The following CFAP73 variants were observed in gnomAD, a reference collection of about 807,000 sequenced individuals.
CFAP73 encodes cilia- and flagella-associated protein 73.
In CFAP73, 33 loss-of-function variants were observed where a neutral mutation model predicts 42.9. The ratio of observed to expected loss-of-function variants is 0.77; its 90% CI spans 0.58 to 1.03. CFAP73 has a LOEUF of 1.03. Among genes scored for constraint, CFAP73 ranks in the 50% least tolerant of loss-of-function variants. The pLI is 0.00. For synonymous variants in CFAP73, 162 were observed against 186.8 expected, an observed-to-expected ratio of 0.87 and a Z score of 1.08; for missense variants, 392 against 411.9, an observed-to-expected ratio of 0.95 and a Z score of 0.42.
rs371295056 is a variant in CFAP73, at chr12:113,149,926, T to C, written c.56+13T>C. On this transcript the variant is annotated intron_variant, in intron 1 of 7. Coordinates refer to ENST00000335621, the MANE Select transcript of CFAP73 (RefSeq NM_001144872.3). ...AGAAACTGTCTACGTGAGTGGGACG[T>C]AGAGGGAGGGAGGGCTAGAAGGAGG... 11 of 1,551,110 alleles carry C rather than the reference T, an allele frequency of 7.1e-6. No individual in the cohort carries two copies. The African/African-American group carries it at 1.4e-4, about 19-fold the overall frequency.
At chr12:113,151,309 C>A (rs142001362) in intron 1 of CFAP73, among the ~76,000 whole-genome samples, 2 of 152,144 alleles carry the variant, frequency 1.3e-5, no homozygotes, top group African/African-American at 4.8e-5. Flanking sequence ...TGGTGAAACC[C>A]TGTCTCTACT....
intron 2 of CFAP73, 146 bp from the exon 3 acceptor site, chr12:113,152,637 C>G (rs1592989327): frequency 3.2e-6 from 2 of 624,350 alleles, no homozygotes; most frequent in South Asian, 3.8e-5. Context: ...TGGGCTTCAT[C>G]CCTGGGTGAT....
At chr12:113,153,142 G>A (rs1049094513) in intron 3 of CFAP73, 66 bp from the exon 4 acceptor site, 4 of 1,407,776 alleles carry the variant, frequency 2.8e-6, no homozygotes, top group Non-Finnish European at 3.7e-6. Context: ...GGGCAGGATG[G>A]AGGTGCCGAA....
rs1479847727 is a variant in CFAP73 at position 113,154,446 on chromosome 12, C to T, written c.501C>T (p.Phe167=). The T allele has an allele frequency of 6.5e-6, 10 of 1,547,220 alleles. No individual in the cohort carries two copies. The highest frequency in any genetic ancestry group is 2.8e-5 in the African/African-American group (2 of 72,476). Residue 167 remains phenylalanine, a synonymous_variant, in exon 5 of 8, where the codon TTC becomes TTT. Coordinates refer to ENST00000335621, the MANE Select transcript of CFAP73 (RefSeq NM_001144872.3). The surrounding 1 kb of genome is among the most constrained non-coding windows in gnomAD (Gnocchi z 4.7). ...FQEVPELVAR[F]DGLAETQAAL... is the part of the protein sequence containing the mutation. The stretch of plus-strand genomic sequence containing the variant: ...AGGTTCCGGAGCTGGTGGCGCGCTT[C>T]GACGGCCTGGCCGAGACGCAGGCGG...
In CFAP73 at chr12:113,149,786, A is replaced by G. The variant is rs58588418; in HGVS notation, c.-72A>G. On this transcript the variant is annotated 5_prime_UTR_variant, in exon 1 of 8. Transcript: ENST00000335621. ...CAGGCTTCCACACCACGCTCCACAG[A>G]ACCCCCAGGGTCTCCTAAGCTTGTG... 5.4e-3 allele frequency: 7,957 copies of G among 1,485,090 alleles called. 447 individuals are homozygous for G. The East Asian group carries it at 0.14, about 27-fold the overall frequency. The allele number at this position is 1,485,090 out of a possible 1,614,324, so 92.0% of individuals were successfully genotyped here.
intron 1 of CFAP73, 74 bp from the exon 2 acceptor site, chr12:113,151,844 C>T: frequency 9.4e-7 from 1 of 1,060,442 alleles, no homozygotes; most frequent in Non-Finnish European, 1.4e-6. Flanking sequence ...ATGGGGCACT[C>T]CAGACACAGT....
rs539276285 is a variant in CFAP73, at chr12:113,157,594, C to G, written c.850-8C>G. 6.4e-6 allele frequency: 10 copies of G among 1,551,496 alleles called. No homozygotes were observed. In the African/African-American group the frequency reaches 6.8e-5, roughly 11 times the overall value. On this transcript the variant is annotated splice_region_variant and splice_polypyrimidine_tract_variant and intron_variant, in intron 6 of 7. Transcript: ENST00000335621. ...GCTGGGATGTGACTTCGTGCTGGGC[C>G]CCCCCAGGTGAAGCTGTTCATGCAG... is the stretch of plus-strand genomic sequence containing the variant.
intron 6 of CFAP73, 135 bp downstream of exon 6, chr12:113,155,553 C>T (rs1952113935): frequency 5.1e-6 from 5 of 989,030 alleles, no homozygotes; most frequent in Admixed American, 6.5e-5. Context: ...TTGCCCCAGC[C>T]GTGGCTCGAT....
intron 6 of CFAP73, chr12:113,156,858 A>C (rs964495209): frequency 6.6e-6 from 1 of 152,238 alleles, no homozygotes; most frequent in South Asian, 2.1e-4. Flanking sequence ...CACTAGGACC[A>C]GACCATCTCT....
chr12:113,150,399 G>A (rs1283273357), intron 1 of CFAP73, among the ~76,000 whole-genome samples: 2 of 152,028 alleles, frequency 1.3e-5, no homozygotes, highest in South Asian at 2.1e-4. Context: ...CTCCCGGGGC[G>A]CTGGACTCCA....
In CFAP73 at chr12:113,154,463, C is replaced by T; in HGVS notation, c.518C>T (p.Thr173Met). Residue 173 changes from threonine to methionine, a missense_variant, in exon 5 of 8, where the codon ACG becomes ATG. Thr to Met is a moderately conservative substitution (Grantham distance 81, BLOSUM62 -1). Coordinates refer to ENST00000335621, the MANE Select transcript of CFAP73 (RefSeq NM_001144872.3). The surrounding 1 kb of genome is among the most constrained non-coding windows in gnomAD (Gnocchi z 4.7). ...LVARFDGLAETQAALRLRERE... is the reference protein window; with the variant it reads ...LVARFDGLAEMQAALRLRERE... ...GCGCGCTTCGACGGCCTGGCCGAGACGCAGGCGGCGCTGAGGCTCAGGGAG... is the reference window on the plus strand; with the variant it reads ...GCGCGCTTCGACGGCCTGGCCGAGATGCAGGCGGCGCTGAGGCTCAGGGAG... 2.6e-6 allele frequency: 4 copies of T among 1,546,130 alleles called. No homozygotes were observed. In the African/African-American group the frequency reaches 5.5e-5, roughly 21 times the overall value.
Position 113,157,592 on chromosome 12 carries a change from G to T in CFAP73, c.850-10G>T. 6.4e-7 allele frequency: 1 copy of T among 1,551,036 alleles called. No homozygotes were observed. Reference sequence around the variant, plus strand: ...GGGCTGGGATGTGACTTCGTGCTGGGCCCCCCCAGGTGAAGCTGTTCATGC... The same window carrying T: ...GGGCTGGGATGTGACTTCGTGCTGGTCCCCCCCAGGTGAAGCTGTTCATGC... On this transcript the variant is annotated splice_polypyrimidine_tract_variant and intron_variant, in intron 6 of 7. Coordinates refer to ENST00000335621, the MANE Select transcript of CFAP73 (RefSeq NM_001144872.3).
Position 113,158,900 on chromosome 12 carries a change from C to G in CFAP73, c.*211C>G. The G allele has an allele frequency of 6.2e-7, 1 of 1,606,064 alleles. No individual in the cohort carries two copies. Among genetic ancestry groups the G allele is most frequent in the Non-Finnish European group, 8.5e-7 (1 of 1,174,282 alleles). On this transcript the variant is annotated 3_prime_UTR_variant, in exon 8 of 8. Transcript: ENST00000335621. The surrounding 1 kb of genome is among the most constrained non-coding windows in gnomAD (Gnocchi z 4.9). ...CCTCACATCCTCTTCCGCATCTTGC[C>G]CTTCTTGGAGCGGGCACCCCGGCCG...
chr12:113,158,466 C>A lies in CFAP73; in HGVS notation c.*12-235C>A, dbSNP rs539683693. 3.3e-4 allele frequency: 55 copies of A among 164,362 alleles called. 1 individual carries two copies. The highest frequency in any genetic ancestry group is 5.7e-3 in the Middle Eastern group (2 of 352). 10.2% of individuals were successfully genotyped at this position (164,362 alleles called of 1,614,324 possible). A position where few individuals can be genotyped will look rare whatever the true frequency, so the allele number is the denominator to read the frequency against. ...CCTGGGTCTCTCCATTCCAGTTCCC[C>A]AAGTAGACCGCACTCCTGGCCACCA... On this transcript the variant is annotated intron_variant, in intron 7 of 7. Coordinates refer to ENST00000335621, the MANE Select transcript of CFAP73 (RefSeq NM_001144872.3). The surrounding 1 kb of genome is among the most constrained non-coding windows in gnomAD (Gnocchi z 4.9).
In CFAP73 at chr12:113,158,892, C is replaced by A. The variant is rs748632245; in HGVS notation, c.*203C>A. On this transcript the variant is annotated 3_prime_UTR_variant, in exon 8 of 8. Transcript: ENST00000335621. This position sits in a 1 kb window ranked among gnomAD's most constrained non-coding sequence, Gnocchi z 4.9. ...GTCCTGGTCCTCACATCCTCTTCCG[C>A]ATCTTGCCCTTCTTGGAGCGGGCAC... The A allele has an allele frequency of 1.5e-5, 24 of 1,604,216 alleles. No homozygotes were observed. The highest frequency in any genetic ancestry group is 2.0e-5 in the Non-Finnish European group (24 of 1,173,126).
chr12:113,157,921 G>A (rs958081311), intron 7 of CFAP73: 12 of 559,630 alleles, frequency 2.1e-5, no homozygotes, highest in Non-Finnish European at 3.5e-5. Flanking sequence ...TATGTGTGGG[G>A]CAACTGCCTC....
chr12:113,154,347 C>T lies in CFAP73; in HGVS notation c.469-67C>T. 6.7e-7 allele frequency: 1 copy of T among 1,501,608 alleles called. No homozygotes were observed. The highest frequency in any genetic ancestry group is 2.0e-5 in the Admixed American group (1 of 49,958). The allele number at this position is 1,501,608 out of a possible 1,614,324, so 93.0% of individuals were successfully genotyped here. A position where few individuals can be genotyped will look rare whatever the true frequency, so the allele number is the denominator to read the frequency against. ...TTCCAATAATAAGGAACGCTGGCGG[C>T]CAGGTGGGATGGAGAGGGTAAGGCA... is the stretch of plus-strand genomic sequence containing the variant. On this transcript the variant is annotated intron_variant, in intron 4 of 7. Coordinates refer to ENST00000335621, the MANE Select transcript of CFAP73 (RefSeq NM_001144872.3). This position sits in a 1 kb window ranked among gnomAD's most constrained non-coding sequence, Gnocchi z 4.7.
chr12:113,152,862 T>C lies in CFAP73; in HGVS notation c.242T>C (p.Phe81Ser). ...EQKERELKGS[F>S]IRFDKFLQDS... ...AAGGAGCGGGAGCTAAAGGGATCGT[T>C]CATCCGCTTTGACAAGTTTTTGCAG... Residue 81 changes from phenylalanine (F) to serine (S), a missense_variant, in exon 3 of 8, where the codon TTC becomes TCC. Phe to Ser is a radical substitution (Grantham distance 155). Transcript: ENST00000335621. 1 of 1,551,602 alleles carries C rather than the reference T, an allele frequency of 6.4e-7. No homozygotes were observed. The highest frequency in any genetic ancestry group is 8.7e-7 in the Non-Finnish European group (1 of 1,146,938).
chr12:113,157,913 T>C lies in CFAP73; in HGVS notation c.*11+223T>C, dbSNP rs531097324. 140 of 568,260 alleles carry C rather than the reference T, an allele frequency of 2.5e-4. 1 individual carries two copies. The African/African-American group carries it at 2.5e-3, about 10-fold the overall frequency. 35.2% of individuals were successfully genotyped at this position (568,260 alleles called of 1,614,324 possible). A position where few individuals can be genotyped will look rare whatever the true frequency, so the allele number is the denominator to read the frequency against. On this transcript the variant is annotated intron_variant, in intron 7 of 7. Transcript: ENST00000335621. ...AGGTGATGGGAAGGTCAAGGGGCTA[T>C]GTGTGGGGCAACTGCCTCTAAAATG...
Sources: gnomAD v4.1 joint callset for allele counts (sites outside exome capture counted in the v4.1 genomes callset) on GRCh38, gnomAD v4.1.1 for gene constraint, Gnocchi (gnomAD v3.1) non-coding constraint, MANE v1.5 for transcripts, NCBI Gene and HGNC (gene_info 2026-07-23, HGNC 2026-07-21) for gene names.